The following SIRT4 variants were observed in gnomAD, a reference collection of about 807,000 sequenced individuals.
SIRT4 encodes sirtuin 4.
SIRT4 carries 23 observed loss-of-function variants against 26.1 expected under a neutral mutation model. The observed-to-expected ratio is 0.88, with a 90% confidence interval of 0.63 to 1.25. The LOEUF (loss-of-function observed/expected upper bound fraction) is 1.25. Ranked by LOEUF, SIRT4 falls within the 50% of genes most tolerant of loss-of-function variation. The pLI, the probability that SIRT4 is intolerant of heterozygous loss-of-function variation, is 0.00. For missense variants in SIRT4, 361 were observed against 405.4 expected (o/e 0.89, Z 0.94); for synonymous variants, 155 against 158.4 (o/e 0.98, Z 0.16).
At chr12:120,305,429 A>G (rs1469101540) in intron 2 of SIRT4, among the ~76,000 whole-genome samples, 1 of 151,880 alleles carries the variant, frequency 6.6e-6, no homozygotes, top group African/African-American at 2.4e-5. Context: ...TTTTAATTTA[A>G]TTTTTATTTT....
chr12:120,297,229 AATAAATAC>A, the SIRT4 span, among the ~76,000 whole-genome samples: 6,893 of 108,734 alleles, frequency 0.063, 573 homozygotes, highest in African/African-American at 0.19. Context: ...TCTCAAAATA[AATAAATAC>A]ATACATACAT....
chr12:120,294,527 G>A, the SIRT4 span, among the ~76,000 whole-genome samples: 5 of 152,066 alleles, frequency 3.3e-5, no homozygotes, highest in African/African-American at 1.2e-4. Flanking sequence ...AAAGTGCTGG[G>A]ATTACAGCCG....
chr12:120,303,464 G>C, intron 1 of SIRT4, 97 bp from the exon 2 acceptor site: 1 of 1,371,242 alleles, frequency 7.3e-7, no homozygotes, highest in Non-Finnish European at 9.8e-7. Context: ...AACAGAGGGA[G>C]ACTCTGTCTC....
intron 1 of SIRT4, among the ~76,000 whole-genome samples, chr12:120,303,146 C>A (rs1158500828): frequency 1.3e-5 from 2 of 151,842 alleles, no homozygotes; most frequent in Non-Finnish European, 2.9e-5. Context: ...AAAAGGAATG[C>A]GTGTGTGTGC....
the SIRT4 span, among the ~76,000 whole-genome samples, chr12:120,295,844 G>C: frequency 6.6e-6 from 1 of 151,582 alleles, no homozygotes; most frequent in African/African-American, 2.4e-5. Flanking sequence ...GATCACCTGA[G>C]GTCAGGAGTT....
In SIRT4 at chr12:120,303,831, C is replaced by A. The variant is rs750869437; in HGVS notation, c.270C>A (p.Ile90=). The A allele has an allele frequency of 5.6e-6, 9 of 1,614,056 alleles. No individual in the cohort carries two copies. In the South Asian group the frequency reaches 9.9e-5, roughly 18 times the overall value. The stretch of plus-strand genomic sequence containing the variant: ...ATGCCCGCACTGACCGCAGGCCCAT[C>A]CAGCATGGTGATTTTGTCCGGAGTG... ...GLYARTDRRP[I]QHGDFVRSAP... is the part of the protein sequence containing the mutation. Residue 90 remains isoleucine (I), a synonymous_variant, in exon 2 of 4, where the codon ATC becomes ATA. Transcript: ENST00000202967.
chr12:120,312,222 A>G (rs575007810), intron 2 of SIRT4, among the ~76,000 whole-genome samples: 6 of 152,238 alleles, frequency 3.9e-5, no homozygotes, highest in African/African-American at 1.4e-4. Flanking sequence ...CAGGAGGTTG[A>G]GGCTGCAGTG....
At chr12:120,296,485 T>A in the SIRT4 span, among the ~76,000 whole-genome samples, 1 of 150,804 alleles carries the variant, frequency 6.6e-6, no homozygotes, top group African/African-American at 2.4e-5. Flanking sequence ...GTTATGTGAT[T>A]ATTTCTAACT....
upstream of SIRT4, among the ~76,000 whole-genome samples, chr12:120,301,962 C>T (rs540736063): frequency 3.4e-5 from 5 of 145,282 alleles, no homozygotes; most frequent in African/African-American, 1.3e-4. Flanking sequence ...GCAGGAGAAT[C>T]GGTTGAACCC....
intron 2 of SIRT4, among the ~76,000 whole-genome samples, chr12:120,311,429 G>C (rs1235204955): frequency 6.6e-6 from 1 of 151,030 alleles, no homozygotes; most frequent in East Asian, 2.0e-4. Flanking sequence ...AAGCTCTGGT[G>C]ATTGGAGAGG....
At chr12:120,304,774 A>G (rs2136831091) in intron 2 of SIRT4, among the ~76,000 whole-genome samples, 1 of 146,048 alleles carries the variant, frequency 6.8e-6, no homozygotes, top group African/African-American at 2.5e-5. Context: ...ACACAGTGAG[A>G]CTCTGTCTCT....
chr12:120,291,884 T>C, the SIRT4 span: 4 of 152,166 alleles, frequency 2.6e-5, no homozygotes, highest in Admixed American at 1.3e-4. Context: ...TTGGCTACGA[T>C]ACTGCCACTG....
chr12:120,301,001 G>A (rs952323227), upstream of SIRT4, among the ~76,000 whole-genome samples: 2 of 152,142 alleles, frequency 1.3e-5, no homozygotes, highest in Non-Finnish European at 2.9e-5. Flanking sequence ...AGCCAAGCAG[G>A]TTAAGTACAT....
chr12:120,307,430 A>C (rs1872783258), intron 2 of SIRT4, among the ~76,000 whole-genome samples: 1 of 152,122 alleles, frequency 6.6e-6, no homozygotes, highest in Non-Finnish European at 1.5e-5. Flanking sequence ...CAGAGGTTGC[A>C]GTGAGCCAAG....
At chr12:120,294,566 C>T in the SIRT4 span, among the ~76,000 whole-genome samples, 1 of 151,362 alleles carries the variant, frequency 6.6e-6, no homozygotes, top group South Asian at 2.1e-4. Flanking sequence ...CCCATTCATT[C>T]TTTTTTGAGA....
the SIRT4 span, among the ~76,000 whole-genome samples, chr12:120,296,839 GAA>G: frequency 6.6e-6 from 1 of 151,910 alleles, no homozygotes; most frequent in East Asian, 1.9e-4. Flanking sequence ...TGGATAAAAA[GAA>G]AAGACTAGCA....
At chr12:120,311,086 C>T (rs1421638628) in intron 2 of SIRT4, among the ~76,000 whole-genome samples, 3 of 146,144 alleles carry the variant, frequency 2.1e-5, no homozygotes, top group African/African-American at 7.5e-5. Flanking sequence ...AGGCCGGGCG[C>T]AGTGGCTCAT....
upstream of SIRT4, among the ~76,000 whole-genome samples, chr12:120,301,849 G>A (rs573328421): frequency 2.0e-5 from 3 of 152,026 alleles, no homozygotes; most frequent in Non-Finnish European, 2.9e-5. Context: ...CAAGGCGTGC[G>A]GATCACCTGA....
the SIRT4 span, among the ~76,000 whole-genome samples, chr12:120,292,642 G>C: frequency 5.9e-5 from 9 of 151,676 alleles, no homozygotes; most frequent in African/African-American, 1.9e-4. Flanking sequence ...ACAGCCAGCT[G>C]GCAAGAAAAG....
Sources: gnomAD v4.1 joint callset for allele counts (sites outside exome capture counted in the v4.1 genomes callset) on GRCh38, gnomAD v4.1.1 for gene constraint, MANE v1.5 for transcripts, NCBI Gene and HGNC (gene_info 2026-07-23, HGNC 2026-07-21) for gene names.